PCDH15: variants seen among roughly 807,000 people sequenced by gnomAD.
PCDH15 encodes protocadherin related 15.
A neutral mutation model predicts 178.5 loss-of-function variants in PCDH15; 129 were observed. The ratio of observed to expected loss-of-function variants is 0.72; its 90% CI spans 0.63 to 0.84. PCDH15 has a LOEUF of 0.84. Ranked by LOEUF, PCDH15 falls within the 40% of genes least tolerant of loss-of-function variation. The pLI is 0.00. For missense variants in PCDH15, 2,230 were observed against 2,099.9 expected, an observed-to-expected ratio of 1.06 and a Z score of -1.21; for synonymous variants, 800 against 732.0, an observed-to-expected ratio of 1.09 and a Z score of -1.50.
At chr10:53,821,672 TC>T in intron 32 of PCDH15, 1 of 1,363,970 alleles carries the variant, frequency 7.3e-7, no homozygotes, top group Non-Finnish European at 9.5e-7. Flanking sequence ...GTAAGGTAAA[TC>T]TATTATATGA....
At chr10:54,109,524 A>G (rs2094975840) in intron 15 of PCDH15, among the ~76,000 whole-genome samples, 1 of 152,236 alleles carries the variant, frequency 6.6e-6, no homozygotes, top group Non-Finnish European at 1.5e-5. Context: ...TTTCAAAAAC[A>G]TGATTGATCT....
chr10:54,210,257 A>C (rs1405977686), intron 10 of PCDH15, among the ~76,000 whole-genome samples: 1 of 152,034 alleles, frequency 6.6e-6, no homozygotes, highest in Non-Finnish European at 1.5e-5. Context: ...TCAAATGCAC[A>C]CACATTCACA....
At chr10:54,108,463 AT>A (rs2094956348) in intron 15 of PCDH15, among the ~76,000 whole-genome samples, 1 of 152,196 alleles carries the variant, frequency 6.6e-6, no homozygotes, top group African/African-American at 2.4e-5. Flanking sequence ...CCAGAGGAGA[AT>A]AACCCAAACC....
At chr10:55,183,670 A>G (rs1839713892) in intron 1 of PCDH15, among the ~76,000 whole-genome samples, 1 of 23,098 alleles carries the variant, frequency 4.3e-5, no homozygotes, top group Non-Finnish European at 9.1e-5. Context: ...TAACAACATT[A>G]AAACCTATTT....
chr10:55,054,856 T>C (rs1331848319), intron 2 of PCDH15, among the ~76,000 whole-genome samples: 1 of 152,174 alleles, frequency 6.6e-6, no homozygotes, highest in Non-Finnish European at 1.5e-5. Context: ...CAATATTTAA[T>C]AGGGGTTATC....
chr10:53,851,820 C>T (rs2078397903), intron 28 of PCDH15, among the ~76,000 whole-genome samples: 1 of 149,576 alleles, frequency 6.7e-6, no homozygotes, highest in Non-Finnish European at 1.5e-5. Context: ...GGTTTTGTAA[C>T]CTTAATTCTA....
At chr10:54,054,482 C>T (rs1590145561) in intron 18 of PCDH15, among the ~76,000 whole-genome samples, 2 of 152,026 alleles carry the variant, frequency 1.3e-5, no homozygotes, top group East Asian at 3.9e-4. Flanking sequence ...CATTTAAAAG[C>T]ACAGTGGTCA....
intron 1 of PCDH15, among the ~76,000 whole-genome samples, chr10:55,219,055 A>G (rs1460123569): frequency 6.6e-6 from 1 of 152,012 alleles, no homozygotes; most frequent in African/African-American, 2.4e-5. Context: ...CTTTGTTTTA[A>G]TAATCTCTAT....
intron 2 of PCDH15, among the ~76,000 whole-genome samples, chr10:55,528,890 T>G (rs1841377313): frequency 6.6e-6 from 1 of 152,158 alleles, no homozygotes; most frequent in Non-Finnish European, 1.5e-5. Context: ...CAGCATCTGT[T>G]GTTTCCTGAC....
At chr10:54,176,411 CTG>C (rs2047448322) in intron 13 of PCDH15, among the ~76,000 whole-genome samples, 1 of 152,054 alleles carries the variant, frequency 6.6e-6, no homozygotes, top group South Asian at 2.1e-4. Flanking sequence ...AACAATTGTA[CTG>C]TGTGTTAAAG....
intron 6 of PCDH15, among the ~76,000 whole-genome samples, chr10:54,345,801 C>CAAAAAAAAAAAA (rs540507383): frequency 7.6e-5 from 4 of 52,434 alleles, no homozygotes; most frequent in African/African-American, 1.4e-4. Flanking sequence ...GACTCCGTCT[C>CAAAAAAAAAAAA]AAAAAAAAAA....
At chr10:55,072,942 A>G (rs1280859848) in intron 2 of PCDH15, among the ~76,000 whole-genome samples, 1 of 150,910 alleles carries the variant, frequency 6.6e-6, no homozygotes, top group Non-Finnish European at 1.5e-5. Flanking sequence ...GGCTGGTTCA[A>G]TATACGCAAA....
intron 2 of PCDH15, among the ~76,000 whole-genome samples, chr10:55,058,568 G>A (rs1841360757): frequency 6.6e-6 from 1 of 151,998 alleles, no homozygotes; most frequent in African/African-American, 2.4e-5. Flanking sequence ...TTGTTCTAAC[G>A]TGTACCGTGT....
At chr10:53,935,703 G>T (rs180735183) in intron 25 of PCDH15, among the ~76,000 whole-genome samples, 2 of 152,124 alleles carry the variant, frequency 1.3e-5, no homozygotes, top group Non-Finnish European at 2.9e-5. Flanking sequence ...TTTTGAGTAT[G>T]ATAGTGAATC....
At chr10:54,364,873 G>A (rs1946575704) in intron 5 of PCDH15, among the ~76,000 whole-genome samples, 1 of 152,028 alleles carries the variant, frequency 6.6e-6, no homozygotes, top group Non-Finnish European at 1.5e-5. Context: ...TTTTTATGTT[G>A]GTAGCTGTCG....
chr10:55,335,498 G>A (rs750315337), intron 2 of PCDH15, among the ~76,000 whole-genome samples: 2 of 152,162 alleles, frequency 1.3e-5, no homozygotes, highest in Non-Finnish European at 2.9e-5. Context: ...CCCTTCCCTT[G>A]GTGATTCACA....
chr10:55,138,333 A>T (rs1297515795), intron 2 of PCDH15, among the ~76,000 whole-genome samples: 1 of 152,128 alleles, frequency 6.6e-6, no homozygotes. Context: ...GAGATTTTCT[A>T]TGTCAAATCA....
intron 14 of PCDH15, among the ~76,000 whole-genome samples, chr10:54,140,530 G>C (rs1240539473): frequency 6.6e-6 from 1 of 151,814 alleles, no homozygotes; most frequent in Non-Finnish European, 1.5e-5. Context: ...GTGCAGTGGA[G>C]TGATCTCAGC....
chr10:54,911,112 G>C (rs986923524), intron 2 of PCDH15, among the ~76,000 whole-genome samples: 3 of 152,186 alleles, frequency 2.0e-5, no homozygotes, highest in African/African-American at 4.8e-5. Context: ...TTAAGACTTT[G>C]AGTTTCACTC....
Sources: gnomAD v4.1 joint callset for allele counts (sites outside exome capture counted in the v4.1 genomes callset) on GRCh38, gnomAD v4.1.1 for gene constraint, MANE v1.5 for transcripts, NCBI Gene and HGNC (gene_info 2026-07-23, HGNC 2026-07-21) for gene names.